ERLIN1: variants seen among roughly 807,000 people sequenced by gnomAD.
ERLIN1 encodes the protein erlin-1.
A neutral mutation model predicts 46.9 loss-of-function variants in ERLIN1; 24 were observed. The ratio of observed to expected loss-of-function variants is 0.51; its 90% CI spans 0.37 to 0.72. The LOEUF is 0.72. ERLIN1 is among the 30% of genes least tolerant of loss of function. The probability of loss-of-function intolerance (pLI) is 0.00; values close to 1 mark genes in which losing one functional copy is unlikely to be tolerated. For missense variants in ERLIN1, 293 were observed against 417.9 expected (o/e 0.70, Z 2.61); for synonymous variants, 158 against 143.2 (o/e 1.10, Z -0.74).
intron 10 of ERLIN1, among the ~76,000 whole-genome samples, chr10:100,154,637 G>A (rs1842978261): frequency 6.6e-6 from 1 of 152,098 alleles, no homozygotes; most frequent in African/African-American, 2.4e-5. Context: ...TAATTATTCA[G>A]CCTTATATAG....
intron 6 of ERLIN1, among the ~76,000 whole-genome samples, chr10:100,170,278 A>T (rs911427829): frequency 2.0e-5 from 3 of 152,192 alleles, no homozygotes; most frequent in East Asian, 1.9e-4. Context: ...TGTAAAAAAA[A>T]TTTTATAACA....
At chr10:100,154,320 A>G (rs1339682986) in intron 10 of ERLIN1, among the ~76,000 whole-genome samples, 2 of 152,212 alleles carry the variant, frequency 1.3e-5, no homozygotes, top group Admixed American at 6.5e-5. Context: ...TTTAAATCCA[A>G]TAAACAAGGA....
intron 2 of ERLIN1, among the ~76,000 whole-genome samples, chr10:100,180,789 C>T (rs1235991756): frequency 6.6e-6 from 1 of 152,186 alleles, no homozygotes; most frequent in Non-Finnish European, 1.5e-5. Flanking sequence ...AATATGTTTA[C>T]TTAATTCCTT....
At chr10:100,164,585 A>G (rs571521169) in intron 7 of ERLIN1, among the ~76,000 whole-genome samples, 4 of 152,386 alleles carry the variant, frequency 2.6e-5, no homozygotes, top group Non-Finnish European at 5.9e-5. Flanking sequence ...CACAGAAGAT[A>G]TAACTAGGTG....
chr10:100,157,088 T>A (rs1049532851), intron 8 of ERLIN1, among the ~76,000 whole-genome samples: 6 of 152,142 alleles, frequency 3.9e-5, no homozygotes, highest in Admixed American at 3.9e-4. Context: ...AGAGGTGATA[T>A]GGAACCAGCC....
chr10:100,165,828 C>A (rs969713745), intron 7 of ERLIN1, among the ~76,000 whole-genome samples: 2 of 152,128 alleles, frequency 1.3e-5, no homozygotes, highest in East Asian at 3.9e-4. Context: ...CCGGTTGAAG[C>A]GACTCTCCTA....
At position 100,151,514 on chromosome 10, in the gene ERLIN1, T is replaced by G. The variant is rs41290522; in HGVS notation, c.*617A>C. ...AATCTCTATGAGGAATCTGGTTGGG[T>G]AGCAAAGCTCAGGTCCCTGCAGGCC... On this transcript the variant is annotated 3_prime_UTR_variant, in exon 11 of 11. Coordinates refer to ENST00000421367, the MANE Select transcript of ERLIN1 (RefSeq NM_006459.4). 6.7e-3 allele frequency: 1,076 copies of G among 160,728 alleles called. 15 individuals are homozygous for G. Among genetic ancestry groups the G allele is most frequent in the South Asian group, 0.014 (83 of 5,876 alleles). The allele number at this position is 160,728 out of a possible 1,614,324, so 10.0% of individuals were successfully genotyped here.
intron 10 of ERLIN1, 36 bp from the exon 11 acceptor site, chr10:100,152,388 T>A: frequency 8.5e-7 from 1 of 1,171,632 alleles, no homozygotes; most frequent in Non-Finnish European, 1.3e-6. Flanking sequence ...GGCATCAGAA[T>A]ACTCTGGTGC....
intron 8 of ERLIN1, among the ~76,000 whole-genome samples, chr10:100,158,848 T>C (rs1843207768): frequency 6.6e-6 from 1 of 151,702 alleles, no homozygotes; most frequent in Admixed American, 6.6e-5. Flanking sequence ...GAAAAGAAAA[T>C]TCAATCAATT....
intron 7 of ERLIN1, among the ~76,000 whole-genome samples, chr10:100,164,373 T>G (rs765584688): frequency 2.6e-5 from 4 of 152,358 alleles, no homozygotes; most frequent in Non-Finnish European, 5.9e-5. Flanking sequence ...GTGTAAAGCC[T>G]GTGATTTGGA....
chr10:100,185,892 G>T lies in ERLIN1; in HGVS notation c.-266C>A. The T allele has an allele frequency of 3.9e-6, 2 of 512,670 alleles. No individual in the cohort carries two copies. Among genetic ancestry groups the T allele is most frequent in the Non-Finnish European group, 3.5e-6 (1 of 289,228 alleles). The allele number at this position is 512,670 out of a possible 1,614,324, so 31.8% of individuals were successfully genotyped here. On this transcript the variant is annotated 5_prime_UTR_variant, in exon 1 of 11. Coordinates refer to ENST00000421367, the MANE Select transcript of ERLIN1 (RefSeq NM_006459.4). Reference sequence around the variant, plus strand: ...CTCTCCCAAGGGTCGCTCCCGGGTGGAAGGCACTAACTGAGAAGAAGCCCA... The same window carrying T: ...CTCTCCCAAGGGTCGCTCCCGGGTGTAAGGCACTAACTGAGAAGAAGCCCA...
At chr10:100,160,072 T>G (rs571642580) in intron 8 of ERLIN1, among the ~76,000 whole-genome samples, 1 of 152,032 alleles carries the variant, frequency 6.6e-6, no homozygotes, top group African/African-American at 2.4e-5. Context: ...ACAGATTTGG[T>G]AGAGGTTTTA....
intron 7 of ERLIN1, among the ~76,000 whole-genome samples, chr10:100,165,611 C>T (rs1342140050): frequency 6.6e-6 from 1 of 152,108 alleles, no homozygotes; most frequent in Admixed American, 6.5e-5. Flanking sequence ...TGGTCTCGAT[C>T]TCCTGACCTC....
At chr10:100,155,503 TATTTATTTTTA>T (rs112518176) in intron 9 of ERLIN1, among the ~76,000 whole-genome samples, 9,562 of 151,754 alleles carry the variant, frequency 0.063, 477 homozygotes, top group African/African-American at 0.13. Flanking sequence ...TGATGGGGTT[TATTTATTTTTA>T]ATTTTTTTTT....
In ERLIN1 at chr10:100,185,825, G is replaced by C. The variant is rs1844941382; in HGVS notation, c.-199C>G. On this transcript the variant is annotated 5_prime_UTR_variant, in exon 1 of 11. Transcript: ENST00000421367. ...CCTTGCCAACTCCTCCGCCCCCGGA[G>C]GCCAGTGGGCCGCCCCTGCTCGGTG... 3.4e-6 allele frequency: 2 copies of C among 588,188 alleles called. No homozygotes were observed. Among genetic ancestry groups the C allele is most frequent in the Non-Finnish European group, 6.1e-6 (2 of 329,524 alleles). The allele number at this position is 588,188 out of a possible 1,614,324, so 36.4% of individuals were successfully genotyped here.
At chr10:100,160,720 G>T (rs913415939) in intron 8 of ERLIN1, among the ~76,000 whole-genome samples, 2 of 152,142 alleles carry the variant, frequency 1.3e-5, no homozygotes, top group Admixed American at 1.3e-4. Context: ...ACTGAGGCAG[G>T]TGGATCACTT....
chr10:100,178,087 T>C, intron 4 of ERLIN1, 46 bp downstream of exon 4: 1 of 1,183,584 alleles, frequency 8.4e-7, no homozygotes, highest in Non-Finnish European at 1.2e-6. Context: ...CAGCTATAAA[T>C]CCTCTGGCTA....
At position 100,174,264 on chromosome 10, in the gene ERLIN1, G is replaced by C; in HGVS notation, c.448C>G (p.Leu150Val). The C allele has an allele frequency of 6.4e-7, 1 of 1,559,982 alleles. No individual in the cohort carries two copies. Among genetic ancestry groups the C allele is most frequent in the African/African-American group, 1.4e-5 (1 of 73,868 alleles). ...IELFDQIDEN[L>V]KQALQKDLNL... ...AAGTCTTTCTGCAGAGCTTGCTTCA[G>C]GTTTTCATCTATTTGATCTGTTTTT... Residue 150 changes from leucine to valine, a missense_variant, in exon 6 of 11, where the codon CTG (leucine) becomes GTG (valine). By Grantham distance (32) the Leu-to-Val change is conservative. This residue lies in a region of ERLIN1 where 148 missense variants were observed against 266.5 expected (regional missense o/e 0.56). Coordinates refer to ENST00000421367, the MANE Select transcript of ERLIN1 (RefSeq NM_006459.4).
intron 10 of ERLIN1, among the ~76,000 whole-genome samples, chr10:100,152,691 G>A (rs1219655345): frequency 6.6e-6 from 1 of 152,080 alleles, no homozygotes; most frequent in Non-Finnish European, 1.5e-5. Flanking sequence ...ACCTGGAATT[G>A]GTCTGGAGTT....
Sources: gnomAD v4.1 joint callset for allele counts (sites outside exome capture counted in the v4.1 genomes callset) on GRCh38, gnomAD v4.1.1 for gene constraint, gnomAD v4.1.1 regional missense constraint, MANE v1.5 for transcripts, NCBI Gene and HGNC (gene_info 2026-07-23, HGNC 2026-07-21) for gene names.